Variants in KCTD16 observed in about 807,000 individuals in gnomAD.
KCTD16 encodes BTB/POZ domain-containing protein KCTD16.
Under a neutral mutation model 33.2 loss-of-function variants are expected in KCTD16, and 13 were observed. That is an observed-to-expected ratio of 0.39 (90% confidence interval 0.25 to 0.62). The LOEUF is 0.62. Ranked by LOEUF, KCTD16 falls within the 20% of genes least tolerant of loss-of-function variation. KCTD16 has a pLI of 0.50. For missense variants in KCTD16, 441 were observed against 525.1 expected, an observed-to-expected ratio of 0.84 and a Z score of 1.57; for synonymous variants, 197 against 195.3, an observed-to-expected ratio of 1.01 and a Z score of -0.07.
At chr5:144,307,650 A>G (rs1299025293) in intron 3 of KCTD16, among the ~76,000 whole-genome samples, 1 of 152,236 alleles carries the variant, frequency 6.6e-6, no homozygotes, top group Non-Finnish European at 1.5e-5. Flanking sequence ...TTTAAAGTCC[A>G]TGCTTCTCAT....
At chr5:144,243,368 TC>T in intron 3 of KCTD16, among the ~76,000 whole-genome samples, 1 of 152,186 alleles carries the variant, frequency 6.6e-6, no homozygotes, top group East Asian at 1.9e-4. Flanking sequence ...GAAGTTGTGC[TC>T]CTCCTCAAGG....
intron 3 of KCTD16, among the ~76,000 whole-genome samples, chr5:144,350,010 AT>A (rs1337971797): frequency 6.6e-6 from 1 of 152,166 alleles, no homozygotes; most frequent in Non-Finnish European, 1.5e-5. Context: ...AATTCTGCAC[AT>A]TTTATTAGGA....
chr5:144,222,691 G>A (rs977577925), intron 3 of KCTD16, among the ~76,000 whole-genome samples: 41 of 152,324 alleles, frequency 2.7e-4, no homozygotes, highest in Middle Eastern at 6.8e-3. Context: ...TACACTGTTG[G>A]TGGGACTGTA....
chr5:144,224,383 GTTTTTTTTTTT>G (rs530446253), intron 3 of KCTD16, among the ~76,000 whole-genome samples: 1 of 100,336 alleles, frequency 1.0e-5, no homozygotes, highest in African/African-American at 3.7e-5. Flanking sequence ...AATATAATGT[GTTTTTTTTTTT>G]TTTTTTTTTT....
chr5:144,284,477 C>G (rs1440571377), intron 3 of KCTD16, among the ~76,000 whole-genome samples: 1 of 152,174 alleles, frequency 6.6e-6, no homozygotes, highest in African/African-American at 2.4e-5. Context: ...TTCTAAAACT[C>G]TAACAGTAAC....
intron 3 of KCTD16, among the ~76,000 whole-genome samples, chr5:144,269,562 T>G (rs1755238482): frequency 6.6e-6 from 1 of 152,074 alleles, no homozygotes; most frequent in Non-Finnish European, 1.5e-5. Flanking sequence ...GAGGAAATTT[T>G]TACTACTAGA....
In KCTD16 at chr5:144,352,323, G is replaced by A. The variant is rs148586085; in HGVS notation, c.833-121337G>A. ...ATAAGGGCAGACATATGAAGAAACC[G>A]CAGGTGATAGGACATTGTGAGGTTC... On this transcript the variant is annotated intron_variant, in intron 3 of 3. Transcript: ENST00000512467. Among the ~76,000 whole-genome samples, 181 of 152,268 alleles carry A rather than the reference G, an allele frequency of 1.2e-3. 2 individuals are homozygous for A. In the East Asian group the frequency reaches 0.026, roughly 22 times the overall value.
At chr5:144,456,372 A>G (rs547584613) in intron 3 of KCTD16, among the ~76,000 whole-genome samples, 11 of 152,268 alleles carry the variant, frequency 7.2e-5, no homozygotes, top group African/African-American at 2.6e-4. Context: ...CTGAATGAAA[A>G]CACAACCTCT....
chr5:144,314,509 CTG>C (rs1181014080), intron 3 of KCTD16, among the ~76,000 whole-genome samples: 1 of 152,104 alleles, frequency 6.6e-6, no homozygotes, highest in African/African-American at 2.4e-5. Context: ...AGTAATAAAA[CTG>C]TGGCTGAAGG....
chr5:144,228,356 G>A (rs973737045), intron 3 of KCTD16, among the ~76,000 whole-genome samples: 1 of 152,216 alleles, frequency 6.6e-6, no homozygotes, highest in African/African-American at 2.4e-5. Context: ...GTCACATACT[G>A]CTGAAAGAGT....
chr5:144,283,757 G>C (rs1054331884), intron 3 of KCTD16, among the ~76,000 whole-genome samples: 2 of 152,264 alleles, frequency 1.3e-5, no homozygotes, highest in South Asian at 2.1e-4. Flanking sequence ...GAATACTACT[G>C]TTTGGTAAGA....
At position 144,482,290 on chromosome 5, in the gene KCTD16, T is replaced by C. The variant is rs1754718794; in HGVS notation, c.*8176T>C. Reference sequence around the variant, plus strand: ...GGCAGATTTGCTACAGCTTGTACTTTATGCCACAAAAATTTTCAAGGGGGC... The same window carrying C: ...GGCAGATTTGCTACAGCTTGTACTTCATGCCACAAAAATTTTCAAGGGGGC... On this transcript the variant is annotated 3_prime_UTR_variant, in exon 4 of 4. Coordinates refer to ENST00000512467, the MANE Select transcript of KCTD16 (RefSeq NM_020768.4). 6.6e-6 allele frequency: 1 copy of C among 152,036 alleles called. No individual in the cohort carries two copies. The highest frequency in any genetic ancestry group is 2.4e-5 in the African/African-American group (1 of 41,522). The allele number at this position is 152,036 out of a possible 1,614,324, so 9.4% of individuals were successfully genotyped here. A position where few individuals can be genotyped will look rare whatever the true frequency, so the allele number is the denominator to read the frequency against.
At chr5:144,183,914 A>G (rs2126775445) in intron 2 of KCTD16, among the ~76,000 whole-genome samples, 1 of 152,256 alleles carries the variant, frequency 6.6e-6, no homozygotes, top group Non-Finnish European at 1.5e-5. Flanking sequence ...TTGATACTTG[A>G]TTCTACTTTA....
At chr5:144,334,208 A>G (rs1013049138) in intron 3 of KCTD16, among the ~76,000 whole-genome samples, 6 of 152,184 alleles carry the variant, frequency 3.9e-5, no homozygotes, top group African/African-American at 1.4e-4. Context: ...CAGAGTTGAC[A>G]TGATAGAATC....
At chr5:144,248,309 T>C (rs1754604655) in intron 3 of KCTD16, among the ~76,000 whole-genome samples, 1 of 152,122 alleles carries the variant, frequency 6.6e-6, no homozygotes, top group Non-Finnish European at 1.5e-5. Flanking sequence ...CTGGAGAATG[T>C]GTTTAGTGCA....
chr5:144,451,530 A>G (rs1020881708), intron 3 of KCTD16, among the ~76,000 whole-genome samples: 1 of 152,180 alleles, frequency 6.6e-6, no homozygotes, highest in Non-Finnish European at 1.5e-5. Flanking sequence ...ACTGAAGCAA[A>G]AGTCTCACTT....
intron 3 of KCTD16, among the ~76,000 whole-genome samples, chr5:144,323,223 GAGAC>G (rs1752121859): frequency 6.6e-6 from 1 of 152,092 alleles, no homozygotes; most frequent in Non-Finnish European, 1.5e-5. Flanking sequence ...TTTACCAACT[GAGAC>G]AGTGGACCAA....
chr5:144,424,116 T>TCCAGGACTCTCTA (rs1405983275), intron 3 of KCTD16, among the ~76,000 whole-genome samples: 2 of 152,152 alleles, frequency 1.3e-5, no homozygotes, highest in African/African-American at 4.8e-5. Context: ...GACTCTGAAG[T>TCCAGGACTCTCTA]CCAGGACTCT....
chr5:144,264,920 A>C (rs890361397), intron 3 of KCTD16, among the ~76,000 whole-genome samples: 1 of 152,310 alleles, frequency 6.6e-6, no homozygotes, highest in South Asian at 2.1e-4. Flanking sequence ...TACTAAAAAA[A>C]CTCCATACAA....
Sources: allele counts gnomAD v4.1 joint callset (sites outside exome capture counted in the v4.1 genomes callset), GRCh38; gene constraint gnomAD v4.1.1; transcripts MANE v1.5; gene names NCBI Gene and HGNC (gene_info 2026-07-23, HGNC 2026-07-21).